Variants in LPCAT2 observed in about 807,000 individuals in gnomAD.
The protein encoded by LPCAT2 is lysophosphatidylcholine acyltransferase 2.
In LPCAT2, 58 loss-of-function variants were observed where a neutral mutation model predicts 64.7. The observed-to-expected ratio is 0.90, with a 90% CI of 0.73 to 1.12. The LOEUF is 1.12. Ranked by LOEUF, LPCAT2 falls within the 50% of genes most tolerant of loss-of-function variation. LPCAT2 has a pLI of 0.00. For synonymous variants in LPCAT2, 252 were observed against 245.3 expected, an observed-to-expected ratio of 1.03 and a Z score of -0.26; for missense variants, 579 against 669.8, an observed-to-expected ratio of 0.86 and a Z score of 1.50.
In LPCAT2 at chr16:55,516,745, A is replaced by G. The variant is rs540989875; in HGVS notation, c.171+7393A>G. The stretch of plus-strand genomic sequence containing the variant: ...GAAGGTAGAACAATGAGACAGTATC[A>G]TAAGGAAATTGAAGACTTGAAGAAC... On this transcript the variant is annotated intron_variant, in intron 1 of 13. Transcript: ENST00000262134. Among the ~76,000 whole-genome samples the G allele has an allele frequency of 2.0e-5, 3 of 152,340 alleles. No homozygotes were observed. The South Asian group carries it at 6.2e-4, about 32-fold the overall frequency.
intron 11 of LPCAT2, among the ~76,000 whole-genome samples, chr16:55,557,624 T>A (rs1399027782): frequency 6.6e-6 from 1 of 152,174 alleles, no homozygotes; most frequent in African/African-American, 2.4e-5. Flanking sequence ...TAGTGGAAAA[T>A]GCTCCCATAA....
chr16:55,509,388 AGGGGGGCCTAGGTCAGAG>A, intron 1 of LPCAT2, 36 bp downstream of exon 1: 1 of 1,108,884 alleles, frequency 9.0e-7, no homozygotes, highest in Non-Finnish European at 1.1e-6. Context: ...AGGTGGTCTG[AGGGGGGCCTAGGTCAGAG>A]GGGGGTCCAG....
At chr16:55,523,567 T>C (rs1567392145) in intron 1 of LPCAT2, among the ~76,000 whole-genome samples, 1 of 151,818 alleles carries the variant, frequency 6.6e-6, no homozygotes, top group Non-Finnish European at 1.5e-5. Flanking sequence ...TCATGATATA[T>C]TCATACAATT....
intron 1 of LPCAT2, among the ~76,000 whole-genome samples, chr16:55,518,626 T>C (rs892434704): frequency 1.3e-5 from 2 of 152,244 alleles, no homozygotes; most frequent in African/African-American, 4.8e-5. Context: ...AGTAAATTCA[T>C]ACGTCTGTGG....
At chr16:55,569,902 G>C (rs544045924) in intron 11 of LPCAT2, among the ~76,000 whole-genome samples, 1 of 152,266 alleles carries the variant, frequency 6.6e-6, no homozygotes, top group East Asian at 1.9e-4. Flanking sequence ...AATGTTAGAA[G>C]CAATATTTAA....
chr16:55,521,710 C>T (rs1192258194), intron 1 of LPCAT2, among the ~76,000 whole-genome samples: 2 of 151,504 alleles, frequency 1.3e-5, no homozygotes, highest in South Asian at 2.1e-4. Flanking sequence ...TGTAATTCAC[C>T]ATATAAGCAG....
chr16:55,547,762 A>T (rs572419212), intron 9 of LPCAT2, among the ~76,000 whole-genome samples: 18 of 150,466 alleles, frequency 1.2e-4, no homozygotes, highest in African/African-American at 3.2e-4. Flanking sequence ...TTAGATAGAA[A>T]TTTTTTTTTT....
In LPCAT2 at chr16:55,567,117, C is replaced by T. The variant is rs1332139809; in HGVS notation, c.1216-7514C>T. On this transcript the variant is annotated intron_variant, in intron 11 of 13. Coordinates refer to ENST00000262134, the MANE Select transcript of LPCAT2 (RefSeq NM_017839.5). ...AGATCTTAAGACTGACGGTTTTAGT[C>T]TTGACACCTGCCGGAGCATTGTGTC... The T allele has an allele frequency of 1.9e-6, 3 of 1,613,846 alleles. No homozygotes were observed. The East Asian group carries it at 6.7e-5, about 36-fold the overall frequency.
chr16:55,558,918 C>T lies in LPCAT2; in HGVS notation c.1215+7816C>T, dbSNP rs117534555. ...TTACTACAAGTCACTATAAGTCTGACTTATAGTGATTGTTATTAATTTGTG... is the reference window on the plus strand; with the variant it reads ...TTACTACAAGTCACTATAAGTCTGATTTATAGTGATTGTTATTAATTTGTG... On this transcript the variant is annotated intron_variant, in intron 11 of 13. Coordinates refer to ENST00000262134, the MANE Select transcript of LPCAT2 (RefSeq NM_017839.5). Among the ~76,000 whole-genome samples, 115 of 152,196 alleles carry T rather than the reference C, an allele frequency of 7.6e-4. No individual in the cohort carries two copies. In the East Asian group the frequency reaches 0.021, roughly 28 times the overall value.
At chr16:55,544,181 C>T (rs1963427323) in intron 8 of LPCAT2, among the ~76,000 whole-genome samples, 2 of 152,088 alleles carry the variant, frequency 1.3e-5, no homozygotes, top group Non-Finnish European at 2.9e-5. Context: ...CTCTGAGATA[C>T]CAATGCTTAC....
At chr16:55,547,004 A>G (rs1555496751) in intron 9 of LPCAT2, among the ~76,000 whole-genome samples, 1 of 152,086 alleles carries the variant, frequency 6.6e-6, no homozygotes, top group Non-Finnish European at 1.5e-5. Flanking sequence ...AAAATTAGCC[A>G]GGCATTATGG....
chr16:55,523,868 A>T (rs1189035790), intron 1 of LPCAT2, among the ~76,000 whole-genome samples: 1 of 151,850 alleles, frequency 6.6e-6, no homozygotes, highest in East Asian at 1.9e-4. Flanking sequence ...TGAAAAACTC[A>T]TAATCTATAA....
chr16:55,517,372 T>A (rs1349609577), intron 1 of LPCAT2, among the ~76,000 whole-genome samples: 1 of 150,792 alleles, frequency 6.6e-6, no homozygotes, highest in East Asian at 1.9e-4. Context: ...CAGAGAAAAG[T>A]TGAGGACCAG....
intron 11 of LPCAT2, chr16:55,566,580 C>A (rs1963699025): frequency 3.2e-6 from 2 of 629,390 alleles, no homozygotes; most frequent in African/African-American, 3.7e-5. Context: ...GGTGCTAGGA[C>A]CTCATGGAAC....
At position 55,525,384 on chromosome 16, in the gene LPCAT2, G is replaced by A. The variant is rs796936075; in HGVS notation, c.172-124G>A. 10 of 714,502 alleles carry A rather than the reference G, an allele frequency of 1.4e-5. No individual in the cohort carries two copies. The African/African-American group carries it at 1.4e-4, about 10-fold the overall frequency. The allele number at this position is 714,502 out of a possible 1,614,324, so 44.3% of individuals were successfully genotyped here. On this transcript the variant is annotated intron_variant, in intron 1 of 13. Transcript: ENST00000262134. ...TTAAATCCTTGTCTGGTACAGGCTA[G>A]TAGTCAATTCATCCTTGACTGAATG...
chr16:55,509,471 G>GAA, intron 1 of LPCAT2, 119 bp downstream of exon 1: 1 of 1,096,182 alleles, frequency 9.1e-7, no homozygotes, highest in Non-Finnish European at 1.2e-6. Flanking sequence ...TGGGTCTGAG[G>GAA]GAGTGAGGTG....
chr16:55,518,445 G>A (rs761229369), intron 1 of LPCAT2, among the ~76,000 whole-genome samples: 1 of 151,978 alleles, frequency 6.6e-6, no homozygotes, highest in African/African-American at 2.4e-5. Flanking sequence ...AATTCATACA[G>A]AAATGCAAGG....
At chr16:55,566,686 T>C in intron 11 of LPCAT2, 2 of 1,504,186 alleles carry the variant, frequency 1.3e-6, no homozygotes, top group Non-Finnish European at 1.8e-6. Flanking sequence ...TGTAAACTAC[T>C]TGAACTCCAT....
intron 1 of LPCAT2, among the ~76,000 whole-genome samples, chr16:55,520,952 A>G (rs545439847): frequency 1.3e-5 from 2 of 152,036 alleles, no homozygotes; most frequent in Admixed American, 1.3e-4. Context: ...TGGAAGAAGA[A>G]CAAATTAAAC....
Sources: gnomAD v4.1 joint callset for allele counts (sites outside exome capture counted in the v4.1 genomes callset) on GRCh38, gnomAD v4.1.1 for gene constraint, MANE v1.5 for transcripts, NCBI Gene and HGNC (gene_info 2026-07-23, HGNC 2026-07-21) for gene names.